TMEM131L: variants seen among roughly 807,000 people sequenced by gnomAD.
The protein encoded by TMEM131L is transmembrane protein 131-like.
In TMEM131L, 54 loss-of-function variants were observed where a neutral mutation model predicts 192.2. The ratio of observed to expected loss-of-function variants is 0.28; its 90% CI spans 0.23 to 0.35. The LOEUF (loss-of-function observed/expected upper bound fraction) is 0.35. Ranked by LOEUF, TMEM131L falls within the 10% of genes least tolerant of loss-of-function variation. The probability of loss-of-function intolerance (pLI) is 1.00; values close to 1 mark genes in which losing one functional copy is unlikely to be tolerated. For synonymous variants in TMEM131L, 701 were observed against 704.9 expected (o/e 0.99, Z 0.09); for missense variants, 1,888 against 1,972.9 (o/e 0.96, Z 0.82).
intron 4 of TMEM131L, chr4:153,554,181 ATTTAAT>A (rs774109680): frequency 2.0e-5 from 3 of 152,196 alleles, no homozygotes; most frequent in Non-Finnish European, 4.4e-5. Flanking sequence ...GTCCTTATTT[ATTTAAT>A]TTTAATTGTG....
chr4:153,576,817 A>G (rs190974339), intron 7 of TMEM131L, among the ~76,000 whole-genome samples: 6 of 152,064 alleles, frequency 3.9e-5, no homozygotes, highest in African/African-American at 1.4e-4. Context: ...ACCGTTTACT[A>G]TTTTCTGTTT....
chr4:153,558,732 T>C (rs1728654464), intron 7 of TMEM131L: 1 of 154,864 alleles, frequency 6.5e-6, no homozygotes, highest in South Asian at 2.0e-4. Context: ...GTGAACGATT[T>C]TGTAGAGCTT....
intron 7 of TMEM131L, among the ~76,000 whole-genome samples, chr4:153,572,490 C>T (rs1418215753): frequency 6.6e-6 from 1 of 152,028 alleles, no homozygotes; most frequent in Non-Finnish European, 1.5e-5. Context: ...ATGACCACGC[C>T]CAGCTAATTT....
At chr4:153,524,604 T>C (rs1029372542) in intron 3 of TMEM131L, among the ~76,000 whole-genome samples, 3 of 152,232 alleles carry the variant, frequency 2.0e-5, no homozygotes, top group African/African-American at 4.8e-5. Flanking sequence ...GCTTGTCTAA[T>C]AGTGCATGGG....
At chr4:153,623,167 G>C in intron 29 of TMEM131L, 84 bp downstream of exon 29, 1 of 1,272,156 alleles carries the variant, frequency 7.9e-7, no homozygotes, top group Non-Finnish European at 1.1e-6. Flanking sequence ...GTCTCGATCT[G>C]CCTTCAGGAG....
In TMEM131L at chr4:153,524,134, T is replaced by G. The variant is rs1332866077; in HGVS notation, c.240-25939T>G. Among the ~76,000 whole-genome samples, 22 of 128,474 alleles carry G rather than the reference T, an allele frequency of 1.7e-4. No homozygotes were observed. The Admixed American group carries it at 2.0e-3, about 12-fold the overall frequency. The allele number at this position is 128,474 out of a possible 152,430, so 84.3% of individuals were successfully genotyped here. ...GTCTTTCCCATGTTTCACTTCTGTT[T>G]TTTTTTTTTTTTTTTTTCCTGTCTT... On this transcript the variant is annotated intron_variant, in intron 3 of 34. Coordinates refer to ENST00000409959, the MANE Select transcript of TMEM131L (RefSeq NM_001131007.2).
chr4:153,635,297 G>C (rs908195480), intron 33 of TMEM131L, 135 bp from the exon 34 acceptor site: 3 of 759,716 alleles, frequency 3.9e-6, no homozygotes, highest in African/African-American at 1.8e-5. Context: ...CGACTCTCCT[G>C]GTCCACACGG....
chr4:153,510,234 G>A (rs1734263323), intron 3 of TMEM131L, among the ~76,000 whole-genome samples: 1 of 152,122 alleles, frequency 6.6e-6, no homozygotes, highest in South Asian at 2.1e-4. Context: ...ACTTAGAGTA[G>A]TGGGATTTAA....
chr4:153,480,153 CAG>C (rs1473621703), intron 3 of TMEM131L, among the ~76,000 whole-genome samples: 1 of 152,170 alleles, frequency 6.6e-6, no homozygotes, highest in East Asian at 1.9e-4. Flanking sequence ...TCCTGGCTAA[CAG>C]GGTGAAACCC....
Position 153,636,673 on chromosome 4 carries a change from T to C in TMEM131L, c.*97T>C, listed in dbSNP as rs1038279731. On this transcript the variant is annotated 3_prime_UTR_variant, in exon 35 of 35. Transcript: ENST00000409959. ...AGATAGATTATGACATTGGTGGATA[T>C]TTTGGCACTTTTATATGAAAATAAA... 6.4e-5 allele frequency: 79 copies of C among 1,232,842 alleles called. No homozygotes were observed. In the African/African-American group the frequency reaches 1.1e-3, roughly 18 times the overall value. The allele number at this position is 1,232,842 out of a possible 1,614,324, so 76.4% of individuals were successfully genotyped here.
intron 11 of TMEM131L, 83 bp downstream of exon 11, chr4:153,583,755 G>T: frequency 1.3e-6 from 1 of 797,964 alleles, no homozygotes; most frequent in Non-Finnish European, 2.1e-6. Flanking sequence ...TACAGATTAG[G>T]CATGGTTTCA....
At chr4:153,559,961 C>T (rs960346590) in intron 7 of TMEM131L, among the ~76,000 whole-genome samples, 11 of 152,034 alleles carry the variant, frequency 7.2e-5, no homozygotes, top group African/African-American at 2.7e-4. Context: ...TGTGCAATGC[C>T]GTTTTCCCTC....
chr4:153,591,046 T>G lies in TMEM131L; in HGVS notation c.1671-7T>G. 1 of 1,511,242 alleles carries G rather than the reference T, an allele frequency of 6.6e-7. No homozygotes were observed. Among genetic ancestry groups the G allele is most frequent in the East Asian group, 2.4e-5 (1 of 41,632 alleles). The allele number at this position is 1,511,242 out of a possible 1,614,324, so 93.6% of individuals were successfully genotyped here. The stretch of plus-strand genomic sequence containing the variant: ...TTTTCATAATAGTTTCTTTATCAAT[T>G]AAACAGGAGGAATGTTTTGGGAACA... On this transcript the variant is annotated splice_region_variant and splice_polypyrimidine_tract_variant and intron_variant, in intron 16 of 34. Coordinates refer to ENST00000409959, the MANE Select transcript of TMEM131L (RefSeq NM_001131007.2).
chr4:153,488,437 C>T (rs1732520001), intron 3 of TMEM131L, among the ~76,000 whole-genome samples: 1 of 152,100 alleles, frequency 6.6e-6, no homozygotes, highest in African/African-American at 2.4e-5. Flanking sequence ...CTGGTGAGGG[C>T]AGGGCCCAGA....
chr4:153,478,593 C>T (rs1038358402), intron 3 of TMEM131L, among the ~76,000 whole-genome samples: 2 of 152,138 alleles, frequency 1.3e-5, no homozygotes, highest in Admixed American at 1.3e-4. Context: ...ACTAGTTTTT[C>T]CCTAATGTTC....
In TMEM131L at chr4:153,466,380, A is replaced by T; in HGVS notation, c.-18A>T. 7.8e-7 allele frequency: 1 copy of T among 1,288,494 alleles called. No homozygotes were observed. Among genetic ancestry groups the T allele is most frequent in the East Asian group, 3.2e-5 (1 of 31,502 alleles). 79.8% of individuals were successfully genotyped at this position (1,288,494 alleles called of 1,614,324 possible). A position where few individuals can be genotyped will look rare whatever the true frequency, so the allele number is the denominator to read the frequency against. On this transcript the variant is annotated 5_prime_UTR_variant, in exon 1 of 35. Transcript: ENST00000409959. The stretch of plus-strand genomic sequence containing the variant: ...GCGGCGAGCGCGGCGAGCAACGGAG[A>T]GGAGCGCGAGCAGCAGCATGGCGGG...
At chr4:153,493,424 G>A (rs1043569452) in intron 3 of TMEM131L, among the ~76,000 whole-genome samples, 26 of 151,490 alleles carry the variant, frequency 1.7e-4, no homozygotes, top group Non-Finnish European at 3.4e-4. Flanking sequence ...ACTTTGGGAG[G>A]CCAAGGCGGG....
At chr4:153,576,223 G>C (rs573206857) in intron 7 of TMEM131L, among the ~76,000 whole-genome samples, 9 of 152,130 alleles carry the variant, frequency 5.9e-5, no homozygotes, top group Admixed American at 1.3e-4. Flanking sequence ...GCCTCCCAGA[G>C]TGCTGGGATT....
chr4:153,621,319 C>A (rs542779155), intron 27 of TMEM131L, among the ~76,000 whole-genome samples: 2 of 152,238 alleles, frequency 1.3e-5, no homozygotes, highest in South Asian at 2.1e-4. Flanking sequence ...AATAGTTACC[C>A]CTCAGGTCAC....
Sources: allele counts gnomAD v4.1 joint callset (sites outside exome capture counted in the v4.1 genomes callset), GRCh38; gene constraint gnomAD v4.1.1; transcripts MANE v1.5; gene names NCBI Gene and HGNC (gene_info 2026-07-23, HGNC 2026-07-21).